The following TTC28 variants were observed in gnomAD, a reference collection of about 807,000 sequenced individuals.
The protein encoded by TTC28 is tetratricopeptide repeat domain 28.
TTC28 carries 61 observed loss-of-function variants against 198.0 expected under a neutral mutation model. The ratio of observed to expected loss-of-function variants is 0.31; its 90% CI spans 0.25 to 0.38. TTC28 has a LOEUF of 0.38. Ranked by LOEUF, TTC28 falls within the 10% of genes least tolerant of loss-of-function variation. The probability of loss-of-function intolerance (pLI) is 1.00; values close to 1 mark genes in which losing one functional copy is unlikely to be tolerated. For synonymous variants in TTC28, 1,171 were observed against 1,297.8 expected (o/e 0.90, Z 2.10); for missense variants, 2,678 against 3,164.0 (o/e 0.85, Z 3.69).
At chr22:28,137,128 G>C (rs1287547510) in intron 6 of TTC28, among the ~76,000 whole-genome samples, 1 of 152,156 alleles carries the variant, frequency 6.6e-6, no homozygotes, top group Non-Finnish European at 1.5e-5. Flanking sequence ...TGCATTTGCT[G>C]GAGTCTTGTA....
intron 6 of TTC28, among the ~76,000 whole-genome samples, chr22:28,144,784 T>C (rs1416204119): frequency 6.6e-6 from 1 of 152,128 alleles, no homozygotes; most frequent in Non-Finnish European, 1.5e-5. Context: ...CTTACAACCT[T>C]AATGGGGAGA....
chr22:28,640,753 T>A (rs2051351565), intron 1 of TTC28, among the ~76,000 whole-genome samples: 1 of 152,074 alleles, frequency 6.6e-6, no homozygotes, highest in Admixed American at 6.6e-5. Flanking sequence ...ATAGGAATAT[T>A]CATACATTAC....
At chr22:28,619,259 C>T (rs1455461254) in intron 2 of TTC28, among the ~76,000 whole-genome samples, 1 of 152,120 alleles carries the variant, frequency 6.6e-6, no homozygotes, top group Non-Finnish European at 1.5e-5. Flanking sequence ...TGCTACGTGC[C>T]TAACATTTTA....
At chr22:28,279,423 T>G (rs2044537864) in intron 5 of TTC28, among the ~76,000 whole-genome samples, 1 of 152,068 alleles carries the variant, frequency 6.6e-6, no homozygotes. Context: ...CAGGCTGGAG[T>G]GCAATGGTGC....
At chr22:28,450,153 T>C (rs552214492) in intron 2 of TTC28, among the ~76,000 whole-genome samples, 10 of 152,264 alleles carry the variant, frequency 6.6e-5, no homozygotes, top group South Asian at 4.2e-4. Flanking sequence ...TGGGGGGTCA[T>C]TGACATGATG....
chr22:28,081,362 T>C (rs2146808320), intron 12 of TTC28, among the ~76,000 whole-genome samples: 1 of 152,210 alleles, frequency 6.6e-6, no homozygotes, highest in Non-Finnish European at 1.5e-5. Flanking sequence ...AATAATATTT[T>C]GAAATTAGGA....
At position 28,525,150 on chromosome 22, in the gene TTC28, G is replaced by A. The variant is rs535321365; in HGVS notation, c.381+104402C>T. 5.3e-5 allele frequency among the ~76,000 whole-genome samples: 8 copies of A among 152,136 alleles called. 1 individual carries two copies. In the South Asian group the frequency reaches 1.7e-3, roughly 32 times the overall value. On this transcript the variant is annotated intron_variant, in intron 2 of 22. Transcript: ENST00000397906. ...AAAATTTCTTTTAATCCAAAGTTTG[G>A]GGGTTTTATTGTGTGTGTGAAACGG...
chr22:28,148,029 T>C (rs1257417792), intron 6 of TTC28, among the ~76,000 whole-genome samples: 2 of 152,226 alleles, frequency 1.3e-5, no homozygotes, highest in African/African-American at 4.8e-5. Flanking sequence ...GTCATAAATA[T>C]TAGGGTTCTT....
At chr22:28,270,064 C>A (rs1468713716) in intron 5 of TTC28, among the ~76,000 whole-genome samples, 1 of 152,136 alleles carries the variant, frequency 6.6e-6, no homozygotes, top group Admixed American at 6.5e-5. Context: ...GGACCATGAC[C>A]CATGACACAG....
chr22:28,069,093 A>G (rs1601584448), intron 12 of TTC28, among the ~76,000 whole-genome samples: 1 of 152,300 alleles, frequency 6.6e-6, no homozygotes, highest in African/African-American at 2.4e-5. Flanking sequence ...AACCTCCAAA[A>G]AGACAGCAAA....
intron 2 of TTC28, among the ~76,000 whole-genome samples, chr22:28,423,854 C>T (rs1386286732): frequency 1.3e-5 from 2 of 152,182 alleles, no homozygotes; most frequent in Non-Finnish European, 1.5e-5. Context: ...CATTAAACAA[C>T]TTACAGTGTA....
intron 6 of TTC28, among the ~76,000 whole-genome samples, chr22:28,133,117 G>A (rs963464056): frequency 7.2e-5 from 11 of 152,198 alleles, no homozygotes; most frequent in Admixed American, 5.9e-4. Flanking sequence ...CAGCTACTCA[G>A]GAGGCTGAGG....
chr22:28,592,551 T>C (rs1344132798), intron 2 of TTC28, among the ~76,000 whole-genome samples: 1 of 152,174 alleles, frequency 6.6e-6, no homozygotes, highest in Non-Finnish European at 1.5e-5. Context: ...TCTTCATTTA[T>C]ATGATTGGTT....
At chr22:28,545,856 T>C (rs1397826863) in intron 2 of TTC28, among the ~76,000 whole-genome samples, 4 of 152,216 alleles carry the variant, frequency 2.6e-5, no homozygotes. Context: ...AAGTATACTA[T>C]GTTCACAAAG....
intron 5 of TTC28, among the ~76,000 whole-genome samples, chr22:28,212,344 T>G (rs1473257092): frequency 2.6e-5 from 4 of 151,192 alleles, no homozygotes; most frequent in Non-Finnish European, 4.4e-5. Flanking sequence ...AGGAGCTGGT[T>G]TTTTGAAAAG....
intron 5 of TTC28, among the ~76,000 whole-genome samples, chr22:28,287,697 T>C (rs1040173729): frequency 1.3e-5 from 2 of 152,068 alleles, no homozygotes; most frequent in Non-Finnish European, 2.9e-5. Context: ...AAGAAAAGGT[T>C]ATGAAGGGGT....
At chr22:28,620,852 G>C (rs1220043708) in intron 2 of TTC28, among the ~76,000 whole-genome samples, 1 of 152,144 alleles carries the variant, frequency 6.6e-6, no homozygotes, top group Admixed American at 6.6e-5. Context: ...CCTCCACCAT[G>C]ACAATGTTCC....
chr22:28,052,962 C>T (rs527281159), intron 12 of TTC28, among the ~76,000 whole-genome samples: 3 of 152,332 alleles, frequency 2.0e-5, no homozygotes, highest in South Asian at 2.1e-4. Context: ...ACCAGCCAGG[C>T]GCTGTGTGTG....
intron 2 of TTC28, among the ~76,000 whole-genome samples, chr22:28,405,726 G>T (rs1170807369): frequency 6.6e-6 from 1 of 152,194 alleles, no homozygotes; most frequent in Non-Finnish European, 1.5e-5. Flanking sequence ...CTAAAGACTG[G>T]CTGAAACAGG....
Sources: allele counts gnomAD v4.1 joint callset (sites outside exome capture counted in the v4.1 genomes callset), GRCh38; gene constraint gnomAD v4.1.1; transcripts MANE v1.5; gene names NCBI Gene and HGNC (gene_info 2026-07-23, HGNC 2026-07-21).